Variants in CLTA observed in about 807,000 individuals in gnomAD.
The protein encoded by CLTA is clathrin, light polypeptide (Lca).
CLTA carries 9 observed loss-of-function variants against 26.9 expected under a neutral mutation model. The ratio of observed to expected loss-of-function variants is 0.33; its 90% CI spans 0.20 to 0.58. The LOEUF (loss-of-function observed/expected upper bound fraction) is 0.58. Ranked by LOEUF, CLTA falls within the 20% of genes least tolerant of loss-of-function variation. CLTA has a pLI of 0.85. For synonymous variants in CLTA, 120 were observed against 115.5 expected, an observed-to-expected ratio of 1.04 and a Z score of -0.25; for missense variants, 278 against 294.2, an observed-to-expected ratio of 0.94 and a Z score of 0.40.
At chr9:36,200,961 G>A (rs1167793196) in intron 3 of CLTA, among the ~76,000 whole-genome samples, 1 of 152,108 alleles carries the variant, frequency 6.6e-6, no homozygotes, top group Non-Finnish European at 1.5e-5. Flanking sequence ...GATTTAGCTG[G>A]TCTTAGTACT....
At chr9:36,191,737 C>T (rs1272204494) in intron 1 of CLTA, among the ~76,000 whole-genome samples, 1 of 152,174 alleles carries the variant, frequency 6.6e-6, no homozygotes, top group Non-Finnish European at 1.5e-5. Context: ...AGTAGCAATG[C>T]AGTTCAGCAT....
At chr9:36,193,926 A>G (rs1320121329) in intron 1 of CLTA, among the ~76,000 whole-genome samples, 1 of 152,242 alleles carries the variant, frequency 6.6e-6, no homozygotes, top group Admixed American at 6.5e-5. Context: ...TGAAGGAGGC[A>G]GCACAAGTGG....
At position 36,205,731 on chromosome 9, in the gene CLTA, T is replaced by TATACAGG. The variant is rs1827680268; in HGVS notation, c.485+1552_485+1553insATACAGG. Among the ~76,000 whole-genome samples, 8 of 151,910 alleles carry TATACAGG rather than the reference T, an allele frequency of 5.3e-5. No homozygotes were observed. In the South Asian group the frequency reaches 1.7e-3, roughly 32 times the overall value. On this transcript the variant is annotated intron_variant, in intron 4 of 4. Transcript: ENST00000345519. ...TATTCTCTGTATACAGAATCCGTTG[T>TATACAGG]TCTCAGAGGGAGTAATGACACCTGT...
chr9:36,200,320 GAT>G (rs1827330993), intron 3 of CLTA, among the ~76,000 whole-genome samples: 1 of 152,110 alleles, frequency 6.6e-6, no homozygotes, highest in African/African-American at 2.4e-5. Context: ...TTATATAAAT[GAT>G]ATGTTTTAGA....
At position 36,190,966 on chromosome 9, in the gene CLTA, C is replaced by A. The variant is rs778711876; in HGVS notation, c.-91C>A. On this transcript the variant is annotated 5_prime_UTR_variant, in exon 1 of 5. Coordinates refer to ENST00000345519, the MANE Select transcript of CLTA (RefSeq NM_001833.4). ...CTGGCGCTTGTCCTCCTCTCCCAGT[C>A]GGCACCACAGCGGTGGCTGCCGGGC... 8 of 1,449,988 alleles carry A rather than the reference C, an allele frequency of 5.5e-6. No homozygotes were observed. The highest frequency in any genetic ancestry group is 2.8e-5 in the Admixed American group (1 of 36,076). 89.8% of individuals were successfully genotyped at this position (1,449,988 alleles called of 1,614,324 possible). A position where few individuals can be genotyped will look rare whatever the true frequency, so the allele number is the denominator to read the frequency against.
intron 3 of CLTA, among the ~76,000 whole-genome samples, chr9:36,201,179 C>T (rs556164296): frequency 6.6e-6 from 1 of 152,276 alleles, no homozygotes; most frequent in South Asian, 2.1e-4. Context: ...AACATTTGGC[C>T]TTGCATTCCA....
intron 1 of CLTA, among the ~76,000 whole-genome samples, chr9:36,191,618 T>G (rs536485566): frequency 6.6e-6 from 1 of 152,330 alleles, no homozygotes; most frequent in East Asian, 1.9e-4. Flanking sequence ...GCGCAGTTTT[T>G]CCAGACTTAT....
intron 3 of CLTA, among the ~76,000 whole-genome samples, chr9:36,202,119 CA>C (rs946209104): frequency 6.6e-6 from 1 of 151,544 alleles, no homozygotes; most frequent in South Asian, 2.1e-4. Flanking sequence ...TCAAATAAAA[CA>C]AAAAAAAGTT....
chr9:36,195,901 G>T lies in CLTA; in HGVS notation c.218-1650G>T, dbSNP rs189140324. On this transcript the variant is annotated intron_variant, in intron 1 of 4. Coordinates refer to ENST00000345519, the MANE Select transcript of CLTA (RefSeq NM_001833.4). ...GAGAATCACTTGAACCTGGGAGGCG[G>T]AGGTTGCAGCAAGCCGAGATCGCGC... Among the ~76,000 whole-genome samples the T allele has an allele frequency of 2.6e-5, 4 of 152,296 alleles. No homozygotes were observed. The East Asian group carries it at 7.7e-4, about 29-fold the overall frequency.
At chr9:36,198,563 G>C (rs1479888671) in intron 2 of CLTA, among the ~76,000 whole-genome samples, 1 of 151,854 alleles carries the variant, frequency 6.6e-6, no homozygotes, top group Admixed American at 6.6e-5. Context: ...TGTAATCCCA[G>C]CTACTGGGGA....
In CLTA at chr9:36,191,205, A is replaced by T. The variant is rs1444661883; in HGVS notation, c.149A>T (p.Glu50Val). The change falls in exon 1 of 5, where the codon GAG becomes GTG. Residue 50 changes from glutamate (E) to valine (V), a missense_variant. Coordinates refer to ENST00000345519, the MANE Select transcript of CLTA (RefSeq NM_001833.4). ...GAGATTGCGGGCATCGAGAACGACG[A>T]GGCCTTCGCCATCCTGGACGGCGGC... is the stretch of plus-strand genomic sequence containing the variant. Reference protein sequence around the residue: ...ESEIAGIENDEAFAILDGGAP... With the variant: ...ESEIAGIENDVAFAILDGGAP... 5.1e-6 allele frequency: 8 copies of T among 1,568,902 alleles called. 1 individual carries two copies. In the African/African-American group the frequency reaches 6.8e-5, roughly 13 times the overall value.
chr9:36,194,249 A>G (rs1277498997), intron 1 of CLTA, among the ~76,000 whole-genome samples: 1 of 151,858 alleles, frequency 6.6e-6, no homozygotes, highest in Non-Finnish European at 1.5e-5. Flanking sequence ...CTGGTCTGAA[A>G]CTCCTGACCT....
intron 4 of CLTA, chr9:36,209,143 G>T: frequency 8.3e-7 from 1 of 1,199,030 alleles, no homozygotes; most frequent in Non-Finnish European, 1.2e-6. Context: ...TTAGGAAGGA[G>T]CCTTGGGAGC....
chr9:36,191,330 T>C, intron 1 of CLTA, 57 bp downstream of exon 1: 1 of 1,451,534 alleles, frequency 6.9e-7, no homozygotes. Context: ...CGGTCCACAG[T>C]GGGTCCGAGA....
At position 36,190,943 on chromosome 9, in the gene CLTA, G is replaced by A; in HGVS notation, c.-114G>A. On this transcript the variant is annotated 5_prime_UTR_variant, in exon 1 of 5. Transcript: ENST00000345519. ...CTTCCGCTTTACCCGTCTCCCTCCT[G>A]GCGCTTGTCCTCCTCTCCCAGTCGG... The A allele has an allele frequency of 7.0e-7, 1 of 1,425,494 alleles. No homozygotes were observed. Among genetic ancestry groups the A allele is most frequent in the Non-Finnish European group, 9.1e-7 (1 of 1,097,382 alleles). 88.3% of individuals were successfully genotyped at this position (1,425,494 alleles called of 1,614,324 possible). A position where few individuals can be genotyped will look rare whatever the true frequency, so the allele number is the denominator to read the frequency against.
chr9:36,191,114 G>A lies in CLTA; in HGVS notation c.58G>A (p.Gly20Arg). The A allele has an allele frequency of 6.2e-7, 1 of 1,600,806 alleles. No homozygotes were observed. The highest frequency in any genetic ancestry group is 1.3e-5 in the African/African-American group (1 of 74,310). ...PAGAPGGPAL[G>R]NGVAGAGEED... ...CGGCGCCCCTGGCGGTCCCGCGCTG[G>A]GGAACGGAGTGGCCGGCGCCGGCGA... The change falls in exon 1 of 5, where the codon GGG becomes AGG. Residue 20 changes from glycine (G) to arginine (R), a missense_variant. Coordinates refer to ENST00000345519, the MANE Select transcript of CLTA (RefSeq NM_001833.4).
Position 36,210,511 on chromosome 9 carries a change from A to C in CLTA, c.486-1092A>C, listed in dbSNP as rs1827979828. On this transcript the variant is annotated intron_variant, in intron 4 of 4. Transcript: ENST00000345519. ...AAGCCAGCTGCACGTCCCCAAGCAC[A>C]GATAGAGTGGCAAGGGCATGTCCAG... 4 of 1,554,714 alleles carry C rather than the reference A, an allele frequency of 2.6e-6. No individual in the cohort carries two copies. In the Admixed American group the frequency reaches 7.0e-5, roughly 27 times the overall value.
At chr9:36,206,306 G>A (rs1463187191) in intron 4 of CLTA, among the ~76,000 whole-genome samples, 2 of 152,098 alleles carry the variant, frequency 1.3e-5, no homozygotes, top group African/African-American at 4.8e-5. Context: ...AGAGCATAAC[G>A]CTAGTGGCAC....
chr9:36,199,223 AGCCTG>A, intron 3 of CLTA, 127 bp downstream of exon 3: 3 of 712,914 alleles, frequency 4.2e-6, no homozygotes, highest in Non-Finnish European at 7.7e-6. Context: ...ATATCTTCTC[AGCCTG>A]AAGGTTACAA....
Sources: allele counts gnomAD v4.1 joint callset (sites outside exome capture counted in the v4.1 genomes callset), GRCh38; gene constraint gnomAD v4.1.1; transcripts MANE v1.5; gene names NCBI Gene and HGNC (gene_info 2026-07-23, HGNC 2026-07-21).